The following CDS1 variants were observed in gnomAD, a reference collection of about 807,000 sequenced individuals.
CDS1 encodes CDP-diacylglycerol synthase 1.
A neutral mutation model predicts 62.1 loss-of-function variants in CDS1; 41 were observed. The observed-to-expected ratio is 0.66, with a 90% CI of 0.51 to 0.86. The LOEUF is 0.86. Ranked by LOEUF, CDS1 falls within the 40% of genes least tolerant of loss-of-function variation. The probability of loss-of-function intolerance (pLI) is 0.00; values close to 1 mark genes in which losing one functional copy is unlikely to be tolerated. For missense variants in CDS1, 470 were observed against 550.1 expected (o/e 0.85, Z 1.46); for synonymous variants, 185 against 192.6 (o/e 0.96, Z 0.32).
intron 8 of CDS1, among the ~76,000 whole-genome samples, chr4:84,637,792 A>G (rs1724258995): frequency 6.6e-6 from 1 of 152,256 alleles, no homozygotes; most frequent in African/African-American, 2.4e-5. Context: ...TCGATATGAT[A>G]TGCATCAATT....
At chr4:84,605,048 C>A (rs1723051571) in intron 2 of CDS1, among the ~76,000 whole-genome samples, 1 of 152,166 alleles carries the variant, frequency 6.6e-6, no homozygotes, top group Non-Finnish European at 1.5e-5. Flanking sequence ...TATTACCCTT[C>A]ATTGTATACT....
At chr4:84,624,134 C>T (rs923585846) in intron 5 of CDS1, among the ~76,000 whole-genome samples, 2 of 151,310 alleles carry the variant, frequency 1.3e-5, no homozygotes, top group Non-Finnish European at 2.9e-5. Context: ...ATTAGCTGGG[C>T]GTGGTGGTGG....
chr4:84,639,272 C>A (rs1371990184), intron 9 of CDS1, among the ~76,000 whole-genome samples: 1 of 152,170 alleles, frequency 6.6e-6, no homozygotes, highest in Non-Finnish European at 1.5e-5. Context: ...TGCTGACTTG[C>A]TGACTTACTG....
chr4:84,627,311 C>T (rs1029149810), intron 5 of CDS1, among the ~76,000 whole-genome samples: 1 of 152,148 alleles, frequency 6.6e-6, no homozygotes, highest in African/African-American at 2.4e-5. Flanking sequence ...GTCTCACTGA[C>T]TAGGACCTAG....
chr4:84,619,501 A>T lies in CDS1; in HGVS notation c.548A>T (p.His183Leu). ...CAACTTCAGTTCCTCATTCGCTACCATAGATTTATATCATTTGCCCTCTAT... is the reference window on the plus strand; with the variant it reads ...CAACTTCAGTTCCTCATTCGCTACCTTAGATTTATATCATTTGCCCTCTAT... ...EEQLQFLIRY[H>L]RFISFALYLA... Residue 183 changes from histidine to leucine, a missense_variant, in exon 5 of 13, where the codon CAT becomes CTT. His to Leu is a moderately conservative substitution (Grantham distance 99). Coordinates refer to ENST00000295887, the MANE Select transcript of CDS1 (RefSeq NM_001263.4). 1 of 1,600,880 alleles carries T rather than the reference A, an allele frequency of 6.2e-7. No homozygotes were observed. The highest frequency in any genetic ancestry group is 8.5e-7 in the Non-Finnish European group (1 of 1,171,690).
At chr4:84,633,099 G>A (rs1210053177) in intron 6 of CDS1, among the ~76,000 whole-genome samples, 1 of 152,192 alleles carries the variant, frequency 6.6e-6, no homozygotes, top group Non-Finnish European at 1.5e-5. Flanking sequence ...ACTCCAGCCT[G>A]GGTGACAGAG....
chr4:84,645,474 A>G (rs1251649423), intron 12 of CDS1, 149 bp downstream of exon 12: 9 of 602,966 alleles, frequency 1.5e-5, no homozygotes, highest in East Asian at 1.1e-4. Flanking sequence ...CTTGAGCAAG[A>G]TGGTTAACTT....
At chr4:84,585,877 ATGAGTTAGATTTAT>A (rs1363171304) in intron 1 of CDS1, among the ~76,000 whole-genome samples, 2 of 152,176 alleles carry the variant, frequency 1.3e-5, no homozygotes, top group Non-Finnish European at 2.9e-5. Flanking sequence ...GGAGACATAT[ATGAGTTAGATTTAT>A]TGGAAGTCTG....
In CDS1 at chr4:84,613,019, A is replaced by G. The variant is rs1331124924; in HGVS notation, c.342+3494A>G. Among the ~76,000 whole-genome samples, 3 of 150,966 alleles carry G rather than the reference A, an allele frequency of 2.0e-5. No homozygotes were observed. The East Asian group carries it at 5.8e-4, about 29-fold the overall frequency. On this transcript the variant is annotated intron_variant, in intron 3 of 12. Coordinates refer to ENST00000295887, the MANE Select transcript of CDS1 (RefSeq NM_001263.4). ...AAAAAAAAAAAAAAGAATATTAAAG[A>G]TCTAAGTAAAGTAGGTTTGAACTGT...
chr4:84,624,266 T>G, intron 5 of CDS1, among the ~76,000 whole-genome samples: 1 of 140,826 alleles, frequency 7.1e-6, no homozygotes, highest in Admixed American at 7.3e-5. Flanking sequence ...AGAGCAAGAC[T>G]CTGTCTCAAA....
chr4:84,619,312 C>A, intron 4 of CDS1, 82 bp from the exon 5 acceptor site: 1 of 666,222 alleles, frequency 1.5e-6, no homozygotes, highest in South Asian at 4.2e-5. Flanking sequence ...TTTGTGTCAT[C>A]AGAATGTAGA....
intron 5 of CDS1, among the ~76,000 whole-genome samples, chr4:84,626,898 G>T (rs1406614275): frequency 6.6e-6 from 1 of 152,158 alleles, no homozygotes; most frequent in Non-Finnish European, 1.5e-5. Flanking sequence ...TCAGTGTTTT[G>T]TTTGCTGAGT....
At chr4:84,634,049 C>G (rs1220036470) in intron 7 of CDS1, 110 bp downstream of exon 7, 2 of 511,508 alleles carry the variant, frequency 3.9e-6, no homozygotes, top group Non-Finnish European at 6.6e-6. Flanking sequence ...GTTTGTTGTT[C>G]TTATATTCCA....
chr4:84,645,771 G>A (rs1264850894), intron 12 of CDS1, among the ~76,000 whole-genome samples: 1 of 152,152 alleles, frequency 6.6e-6, no homozygotes, highest in Non-Finnish European at 1.5e-5. Context: ...TGCCCCCATA[G>A]CTACTTGTTT....
chr4:84,619,647 T>C (rs972424790), intron 5 of CDS1, 114 bp downstream of exon 5: 1 of 597,452 alleles, frequency 1.7e-6, no homozygotes, highest in Non-Finnish European at 2.7e-6. Flanking sequence ...CAGCCTCTCT[T>C]TTTCATTGTT....
chr4:84,643,056 C>T lies in CDS1; in HGVS notation c.1065C>T (p.His355=). 1.9e-6 allele frequency: 3 copies of T among 1,610,482 alleles called. No individual in the cohort carries two copies. Among genetic ancestry groups the T allele is most frequent in the Non-Finnish European group, 2.5e-6 (3 of 1,177,932 alleles). ...TGAGCTTGTACCCTTTCCAGATCCA[C>T]AGCATTGCACTGTCAACCTTTGCAT... ...ERVSLYPFQI[H]SIALSTFASL... is the part of the protein sequence containing the mutation. Residue 355 remains histidine (H), a synonymous_variant, in exon 11 of 13, where the codon CAC becomes CAT. Transcript: ENST00000295887.
chr4:84,624,515 C>T (rs1482234396), intron 5 of CDS1, among the ~76,000 whole-genome samples: 1 of 151,946 alleles, frequency 6.6e-6, no homozygotes, highest in Non-Finnish European at 1.5e-5. Context: ...CTCTTCTGTA[C>T]CATTTTTCCA....
chr4:84,629,219 A>G lies in CDS1; in HGVS notation c.581-2600A>G, dbSNP rs1310388076. Reference sequence around the variant, plus strand: ...ACATAAAATGTTAATATATCCATATAGTTGTGAATGAGAAAGATTAAGTTC... The same window carrying G: ...ACATAAAATGTTAATATATCCATATGGTTGTGAATGAGAAAGATTAAGTTC... On this transcript the variant is annotated intron_variant, in intron 5 of 12. Transcript: ENST00000295887. Among the ~76,000 whole-genome samples the G allele has an allele frequency of 2.0e-5, 3 of 152,156 alleles. No individual in the cohort carries two copies. In the South Asian group the frequency reaches 6.2e-4, roughly 31 times the overall value.
chr4:84,640,786 T>A lies in CDS1; in HGVS notation c.880-52T>A, dbSNP rs1578053781. On this transcript the variant is annotated intron_variant, in intron 9 of 12. Transcript: ENST00000295887. ...AAAGATATATGTTTAGTCAATGTGT[T>A]ATGAACTTTTGCTTTGTTTTTTGTT... The A allele has an allele frequency of 5.7e-6, 8 of 1,408,488 alleles. No individual in the cohort carries two copies. In the East Asian group the frequency reaches 2.1e-4, roughly 36 times the overall value. 87.2% of individuals were successfully genotyped at this position (1,408,488 alleles called of 1,614,324 possible).
Sources: allele counts gnomAD v4.1 joint callset (sites outside exome capture counted in the v4.1 genomes callset), GRCh38; gene constraint gnomAD v4.1.1; transcripts MANE v1.5; gene names NCBI Gene and HGNC (gene_info 2026-07-23, HGNC 2026-07-21).